EXOC6B: variants seen among roughly 807,000 people sequenced by gnomAD.
The protein encoded by EXOC6B is SEC15 homolog B.
Under a neutral mutation model 113.5 loss-of-function variants are expected in EXOC6B, and 54 were observed. The ratio of observed to expected loss-of-function variants is 0.48; its 90% CI spans 0.38 to 0.60. The LOEUF (loss-of-function observed/expected upper bound fraction) is 0.60. Among genes scored for constraint, EXOC6B ranks in the 20% least tolerant of loss-of-function variants. EXOC6B has a pLI of 0.00. For synonymous variants in EXOC6B, 357 were observed against 339.0 expected, an observed-to-expected ratio of 1.05 and a Z score of -0.58; for missense variants, 797 against 977.5, an observed-to-expected ratio of 0.82 and a Z score of 2.46.
At chr2:72,634,014 A>G (rs936919064) in intron 6 of EXOC6B, among the ~76,000 whole-genome samples, 1 of 152,144 alleles carries the variant, frequency 6.6e-6, no homozygotes, top group Non-Finnish European at 1.5e-5. Flanking sequence ...GACAACGAAA[A>G]TAAAAACGAT....
chr2:72,188,722 A>T lies in EXOC6B; in HGVS notation c.2197-4535T>A, dbSNP rs1478549451. 2.0e-5 allele frequency among the ~76,000 whole-genome samples: 3 copies of T among 152,356 alleles called. No homozygotes were observed. The East Asian group carries it at 5.8e-4, about 29-fold the overall frequency. On this transcript the variant is annotated intron_variant, in intron 20 of 21. Coordinates refer to ENST00000272427, the MANE Select transcript of EXOC6B (RefSeq NM_015189.3). Reference sequence around the variant, plus strand: ...GATTGCTATAAATTCTCCTGCAAGGACACTCAATCATCATTAGTGACCACT... The same window carrying T: ...GATTGCTATAAATTCTCCTGCAAGGTCACTCAATCATCATTAGTGACCACT...
At chr2:72,432,631 G>A (rs1163441834) in intron 18 of EXOC6B, among the ~76,000 whole-genome samples, 1 of 152,166 alleles carries the variant, frequency 6.6e-6, no homozygotes, top group Non-Finnish European at 1.5e-5. Context: ...ACTGGCATGA[G>A]ATAGTATCTC....
intron 1 of EXOC6B, among the ~76,000 whole-genome samples, chr2:72,768,624 T>C (rs1013758751): frequency 6.6e-6 from 1 of 151,744 alleles, no homozygotes; most frequent in African/African-American, 2.4e-5. Flanking sequence ...TTTTTTTTTT[T>C]TTAAGTAAAT....
chr2:72,309,465 T>G (rs572642599), intron 20 of EXOC6B, among the ~76,000 whole-genome samples: 1 of 152,158 alleles, frequency 6.6e-6, no homozygotes, highest in African/African-American at 2.4e-5. Flanking sequence ...TAAATCATAA[T>G]AGCATCTAAG....
intron 1 of EXOC6B, among the ~76,000 whole-genome samples, chr2:72,822,996 CT>C (rs1445373992): frequency 2.0e-5 from 3 of 151,826 alleles, no homozygotes; most frequent in Non-Finnish European, 4.4e-5. Context: ...ATGCTGCTGC[CT>C]CTGAACGGGA....
intron 13 of EXOC6B, among the ~76,000 whole-genome samples, chr2:72,497,785 C>A (rs1446217389): frequency 1.3e-5 from 2 of 151,990 alleles, no homozygotes; most frequent in Non-Finnish European, 1.5e-5. Flanking sequence ...AGCATAATCA[C>A]TTAAAGTAAA....
At chr2:72,709,674 C>CT (rs1210161119) in intron 6 of EXOC6B, among the ~76,000 whole-genome samples, 3 of 151,862 alleles carry the variant, frequency 2.0e-5, no homozygotes, top group East Asian at 3.9e-4. Flanking sequence ...AATTAAATTT[C>CT]TTTTTTTTAA....
chr2:72,595,010 G>C (rs1669981194), intron 6 of EXOC6B, among the ~76,000 whole-genome samples: 1 of 152,088 alleles, frequency 6.6e-6, no homozygotes, highest in African/African-American at 2.4e-5. Context: ...TGTAATCCCA[G>C]CACTTTGGGA....
intron 8 of EXOC6B, among the ~76,000 whole-genome samples, chr2:72,516,251 T>C (rs1294578821): frequency 6.6e-6 from 1 of 152,076 alleles, no homozygotes; most frequent in Admixed American, 6.5e-5. Flanking sequence ...CTTTTATTTT[T>C]ACTTTTATTT....
intron 5 of EXOC6B, among the ~76,000 whole-genome samples, chr2:72,727,471 A>G (rs1167692189): frequency 2.6e-5 from 4 of 152,168 alleles, no homozygotes; most frequent in South Asian, 2.1e-4. Context: ...TGACAACTAA[A>G]AGCAACATGT....
intron 6 of EXOC6B, among the ~76,000 whole-genome samples, chr2:72,714,936 G>T (rs1157684508): frequency 6.6e-6 from 1 of 152,160 alleles, no homozygotes; most frequent in African/African-American, 2.4e-5. Flanking sequence ...TTGAGGGAAT[G>T]ATAATGTCAA....
intron 19 of EXOC6B, among the ~76,000 whole-genome samples, chr2:72,377,466 T>C (rs553511654): frequency 1.3e-5 from 2 of 152,216 alleles, no homozygotes; most frequent in South Asian, 4.1e-4. Flanking sequence ...TGTATATCAA[T>C]GGAGGAATGC....
chr2:72,309,336 ACTTTG>A (rs1687065163), intron 20 of EXOC6B, among the ~76,000 whole-genome samples: 1 of 152,148 alleles, frequency 6.6e-6, no homozygotes, highest in Non-Finnish European at 1.5e-5. Context: ...TTTTTCCAAA[ACTTTG>A]CCTTCAAGTG....
chr2:72,411,812 T>G (rs1694205654), intron 18 of EXOC6B, among the ~76,000 whole-genome samples: 2 of 151,994 alleles, frequency 1.3e-5, no homozygotes, highest in Admixed American at 1.3e-4. Context: ...GAGTTCATAA[T>G]CAAAAATTTA....
intron 18 of EXOC6B, among the ~76,000 whole-genome samples, chr2:72,390,207 C>T (rs1378100061): frequency 5.3e-5 from 8 of 152,194 alleles, no homozygotes; most frequent in Non-Finnish European, 1.0e-4. Context: ...TCTACTAATA[C>T]AATTCAGTGT....
At chr2:72,499,874 G>A (rs1169405591) in intron 12 of EXOC6B, 27 bp downstream of exon 12, 1 of 1,468,100 alleles carries the variant, frequency 6.8e-7, no homozygotes. Context: ...CAATCTAGAT[G>A]AGCATATGTA....
chr2:72,683,798 A>G (rs186070048), intron 6 of EXOC6B, among the ~76,000 whole-genome samples: 1 of 152,274 alleles, frequency 6.6e-6, no homozygotes, highest in Admixed American at 6.5e-5. Flanking sequence ...CAGCCCAGCT[A>G]TCTCTCAGAT....
chr2:72,359,428 G>GT (rs996240077), intron 19 of EXOC6B, among the ~76,000 whole-genome samples: 3 of 152,150 alleles, frequency 2.0e-5, no homozygotes, highest in African/African-American at 7.2e-5. Context: ...CTTGGAAGCA[G>GT]TTTTCAGGCC....
At chr2:72,633,095 A>G (rs767739204) in intron 6 of EXOC6B, among the ~76,000 whole-genome samples, 1 of 152,162 alleles carries the variant, frequency 6.6e-6, no homozygotes, top group Admixed American at 6.5e-5. Flanking sequence ...TATAGCATGT[A>G]TTTCATTCTG....
Sources: gnomAD v4.1 joint callset for allele counts (sites outside exome capture counted in the v4.1 genomes callset) on GRCh38, gnomAD v4.1.1 for gene constraint, MANE v1.5 for transcripts, NCBI Gene and HGNC (gene_info 2026-07-23, HGNC 2026-07-21) for gene names.